CNTN1: variants seen among roughly 807,000 people sequenced by gnomAD.
CNTN1 encodes contactin 1, also known as contactin-1.
A neutral mutation model predicts 126.4 loss-of-function variants in CNTN1; 38 were observed. The ratio of observed to expected loss-of-function variants is 0.30; its 90% CI spans 0.23 to 0.39. The LOEUF (loss-of-function observed/expected upper bound fraction) is 0.39, where lower values mean the gene tolerates loss of function less well. Ranked by LOEUF, CNTN1 falls within the 10% of genes least tolerant of loss-of-function variation. The pLI, the probability that CNTN1 is intolerant of heterozygous loss-of-function variation, is 1.00. For missense variants in CNTN1, 1,009 were observed against 1,248.4 expected, an observed-to-expected ratio of 0.81 and a Z score of 2.89; for synonymous variants, 413 against 422.6, an observed-to-expected ratio of 0.98 and a Z score of 0.28.
intron 14 of CNTN1, among the ~76,000 whole-genome samples, chr12:40,944,521 A>G (rs1217191355): frequency 6.6e-6 from 1 of 152,034 alleles, no homozygotes. Flanking sequence ...ATAGAACTTA[A>G]TCTTTGTTAT....
At chr12:40,936,744 C>A in intron 9 of CNTN1, 37 bp from the exon 10 acceptor site, 1 of 1,610,050 alleles carries the variant, frequency 6.2e-7, no homozygotes, top group Non-Finnish European at 8.5e-7. Context: ...GATCTTGAGC[C>A]CTTCATTTAA....
intron 1 of CNTN1, among the ~76,000 whole-genome samples, chr12:40,894,474 A>G (rs969995428): frequency 2.0e-5 from 3 of 152,202 alleles, no homozygotes; most frequent in Non-Finnish European, 2.9e-5. Flanking sequence ...GAGAAACTAT[A>G]CAGGAGAGAA....
At chr12:40,972,071 T>A (rs1001167186) in intron 15 of CNTN1, 1 of 985,640 alleles carries the variant, frequency 1.0e-6, no homozygotes, top group Admixed American at 6.2e-5. Flanking sequence ...AGTCCTACCA[T>A]GGCTCTGTAG....
At chr12:40,909,287 C>T (rs1373598015) in intron 2 of CNTN1, among the ~76,000 whole-genome samples, 1 of 151,986 alleles carries the variant, frequency 6.6e-6, no homozygotes, top group East Asian at 1.9e-4. Flanking sequence ...CAATGAGAAG[C>T]ACATCATATC....
chr12:40,737,305 G>GTA (rs1555148034), intron 1 of CNTN1, among the ~76,000 whole-genome samples: 1 of 145,820 alleles, frequency 6.9e-6, no homozygotes, highest in African/African-American at 2.5e-5. Flanking sequence ...GTGTGTGTGT[G>GTA]TATATACACA....
At chr12:40,836,598 C>T in intron 1 of CNTN1, among the ~76,000 whole-genome samples, 1 of 152,002 alleles carries the variant, frequency 6.6e-6, no homozygotes, top group Non-Finnish European at 1.5e-5. Flanking sequence ...ATAAATTGGG[C>T]TCTAACCAAA....
intron 1 of CNTN1, among the ~76,000 whole-genome samples, chr12:40,747,242 C>T (rs1274560170): frequency 1.3e-5 from 2 of 151,692 alleles, no homozygotes; most frequent in Non-Finnish European, 2.9e-5. Context: ...ATTTCTATCT[C>T]GCTTTTTCAA....
intron 4 of CNTN1, among the ~76,000 whole-genome samples, chr12:40,921,506 A>G (rs958658887): frequency 6.6e-6 from 1 of 152,186 alleles, no homozygotes; most frequent in Non-Finnish European, 1.5e-5. Flanking sequence ...TTATAACACT[A>G]TCCCTATCAG....
chr12:40,769,654 C>G (rs1438334782), intron 1 of CNTN1, among the ~76,000 whole-genome samples: 1 of 152,018 alleles, frequency 6.6e-6, no homozygotes, highest in Non-Finnish European at 1.5e-5. Flanking sequence ...TTTTGTTCAT[C>G]ATGAATTTTT....
intron 21 of CNTN1, 21 bp downstream of exon 21, chr12:41,025,357 T>C (rs1187241377): frequency 6.2e-7 from 1 of 1,611,006 alleles, no homozygotes; most frequent in East Asian, 2.2e-5. Context: ...CGTTTTGTTT[T>C]TAGACTTGTC....
At chr12:40,931,710 T>A (rs1372539) in intron 7 of CNTN1, among the ~76,000 whole-genome samples, 103,565 of 151,740 alleles carry the variant, frequency 0.68, 35,856 homozygotes, top group African/African-American at 0.8. Flanking sequence ...CAGCTAACCC[T>A]GTGGTTCTTA....
intron 14 of CNTN1, among the ~76,000 whole-genome samples, chr12:40,957,249 A>G (rs1269122362): frequency 6.6e-6 from 1 of 151,944 alleles, no homozygotes; most frequent in African/African-American, 2.4e-5. Flanking sequence ...AGAAAATAAG[A>G]ATTATTTATT....
At chr12:41,053,904 T>C (rs1949742154) in intron 23 of CNTN1, among the ~76,000 whole-genome samples, 1 of 151,810 alleles carries the variant, frequency 6.6e-6, no homozygotes, top group Non-Finnish European at 1.5e-5. Context: ...TATTGTCTTC[T>C]TGTTCTTTCA....
intron 23 of CNTN1, among the ~76,000 whole-genome samples, chr12:41,038,539 A>T (rs1190547674): frequency 6.6e-6 from 1 of 152,068 alleles, no homozygotes; most frequent in Admixed American, 6.6e-5. Context: ...TAATGACTTT[A>T]TTGAAAGACC....
At chr12:40,813,059 C>CT (rs1941137788) in intron 1 of CNTN1, among the ~76,000 whole-genome samples, 15 of 104,792 alleles carry the variant, frequency 1.4e-4, no homozygotes, top group African/African-American at 5.4e-4. Context: ...TTCTTTCTTT[C>CT]TTCCTTCCTT....
chr12:41,044,252 G>T (rs1949492000), intron 23 of CNTN1, among the ~76,000 whole-genome samples: 1 of 151,880 alleles, frequency 6.6e-6, no homozygotes, highest in Admixed American at 6.6e-5. Flanking sequence ...GGATTGTTTT[G>T]GATTCAAGAA....
At chr12:40,898,421 C>T (rs1363145902) in intron 1 of CNTN1, among the ~76,000 whole-genome samples, 6 of 152,028 alleles carry the variant, frequency 3.9e-5, no homozygotes, top group East Asian at 1.9e-4. Flanking sequence ...TCTTGGTCTT[C>T]GAACGGGTTT....
chr12:40,895,358 A>G (rs1217900241), intron 1 of CNTN1, among the ~76,000 whole-genome samples: 1 of 152,156 alleles, frequency 6.6e-6, no homozygotes, highest in Admixed American at 6.5e-5. Context: ...ACCTGCAACT[A>G]GGTAAGTTAT....
intron 1 of CNTN1, among the ~76,000 whole-genome samples, chr12:40,804,623 A>G (rs943180853): frequency 1.4e-4 from 21 of 151,980 alleles, no homozygotes; most frequent in Non-Finnish European, 2.6e-4. Flanking sequence ...AGCAGGGCTT[A>G]GGGTAGGAAA....
Sources: gnomAD v4.1 joint callset for allele counts (sites outside exome capture counted in the v4.1 genomes callset) on GRCh38, gnomAD v4.1.1 for gene constraint, MANE v1.5 for transcripts, NCBI Gene and HGNC (gene_info 2026-07-23, HGNC 2026-07-21) for gene names.